The following ZNF521 variants were observed in gnomAD, a reference collection of about 807,000 sequenced individuals.
ZNF521 encodes the protein zinc finger protein 521, also known as LYST-interacting protein 3.
Under a neutral mutation model 105.5 loss-of-function variants are expected in ZNF521, and 14 were observed. The ratio of observed to expected loss-of-function variants is 0.13; its 90% confidence interval spans 0.09 to 0.21. The LOEUF (loss-of-function observed/expected upper bound fraction) is 0.21. Ranked by LOEUF, ZNF521 falls within the 10% of genes least tolerant of loss-of-function variation. The pLI is 1.00. For missense variants in ZNF521, 1,233 were observed against 1,629.7 expected, an observed-to-expected ratio of 0.76 and a Z score of 4.19; for synonymous variants, 635 against 606.0, an observed-to-expected ratio of 1.05 and a Z score of -0.70.
At position 25,224,755 on chromosome 18, in the gene ZNF521, T is replaced by C. The variant is rs1200299494; in HGVS notation, c.3163A>G (p.Thr1055Ala). The C allele has an allele frequency of 6.2e-7, 1 of 1,614,024 alleles. No homozygotes were observed. Among genetic ancestry groups the C allele is most frequent in the Admixed American group, 1.7e-5 (1 of 60,020 alleles). Residue 1055 changes from threonine (T) to alanine (A), a missense_variant, in exon 4 of 8, where the codon ACA becomes GCA. This residue lies in a region of ZNF521 where 614 missense variants were observed against 751.5 expected (regional missense o/e 0.82). Coordinates refer to ENST00000361524, the MANE Select transcript of ZNF521 (RefSeq NM_015461.3). Reference protein sequence around the residue: ...KTGNGSAVQTTGRGQHVQKLY... With the variant: ...KTGNGSAVQTAGRGQHVQKLY... ...TTTTGGACGTGCTGGCCCCGCCCTG[T>C]GGTCTGAACTGCAGACCCATTCCCT...
In ZNF521 at chr18:25,227,372, C is replaced by T. The variant is rs182212217; in HGVS notation, c.546G>A (p.Ala182=). The change falls in exon 4 of 8, where the codon GCG becomes GCA. Residue 182 remains alanine (A), a synonymous_variant. Coordinates refer to ENST00000361524, the MANE Select transcript of ZNF521 (RefSeq NM_015461.3). The surrounding 1 kb of genome is among the most constrained non-coding windows in gnomAD (Gnocchi z 5.7). ...KKYHCSECDA[A]FSRSDHLKIH... Reference sequence around the variant, plus strand: ...TCTTCAAGTGATCACTTCTGGAAAACGCAGCATCACATTCACTGCAGTGGT... The same window carrying T: ...TCTTCAAGTGATCACTTCTGGAAAATGCAGCATCACATTCACTGCAGTGGT... The T allele has an allele frequency of 2.0e-4, 318 of 1,614,118 alleles. 2 individuals carry two copies. The East Asian group carries it at 4.7e-3, about 24-fold the overall frequency.
At chr18:25,110,626 T>C (rs917319772) in intron 5 of ZNF521, among the ~76,000 whole-genome samples, 4 of 151,994 alleles carry the variant, frequency 2.6e-5, no homozygotes, top group Non-Finnish European at 5.9e-5. Context: ...ATTCACACCA[T>C]TCCTTTACTT....
intron 5 of ZNF521, among the ~76,000 whole-genome samples, chr18:25,158,944 C>G (rs936569811): frequency 6.7e-6 from 1 of 149,118 alleles, no homozygotes; most frequent in Admixed American, 6.7e-5. Context: ...CGACACAGTG[C>G]GACTCCATCT....
intron 3 of ZNF521, among the ~76,000 whole-genome samples, chr18:25,295,642 A>T: frequency 6.6e-6 from 1 of 152,184 alleles, no homozygotes. Context: ...AATATTTTTA[A>T]AATGATAAAT....
At chr18:25,129,780 G>A (rs1292475024) in intron 5 of ZNF521, among the ~76,000 whole-genome samples, 1 of 149,656 alleles carries the variant, frequency 6.7e-6, no homozygotes. Context: ...CAAAAATAAT[G>A]ATGAGATAGC....
rs1194909617 is a variant in ZNF521, at chr18:25,209,478, AT to A, written c.3574-14235del. ...CAAATCGTGGCCAAAAAGAGAGACA[AT>A]TTTTACTACGTTTTCCCCCCAGTAT... On this transcript the variant is annotated intron_variant, in intron 4 of 7. Coordinates refer to ENST00000361524, the MANE Select transcript of ZNF521 (RefSeq NM_015461.3). 3.3e-5 allele frequency among the ~76,000 whole-genome samples: 5 copies of A among 152,222 alleles called. No homozygotes were observed. In the East Asian group the frequency reaches 9.6e-4, roughly 29 times the overall value.
chr18:25,123,082 TG>T (rs1174493962), intron 5 of ZNF521, among the ~76,000 whole-genome samples: 1 of 151,848 alleles, frequency 6.6e-6, no homozygotes, highest in Non-Finnish European at 1.5e-5. Context: ...TTCCTCTATT[TG>T]GGGTTTGGAA....
In ZNF521 at chr18:25,260,341, G is replaced by C. The variant is rs115906720; in HGVS notation, c.221-32644C>G. ...TAAGTAAGCTAAGGTTGGTAGTTTAGTGCATTTCTGGAAATGTGGTCAGCA... is the reference window on the plus strand; with the variant it reads ...TAAGTAAGCTAAGGTTGGTAGTTTACTGCATTTCTGGAAATGTGGTCAGCA... On this transcript the variant is annotated intron_variant, in intron 3 of 7. Coordinates refer to ENST00000361524, the MANE Select transcript of ZNF521 (RefSeq NM_015461.3). 9.4e-3 allele frequency among the ~76,000 whole-genome samples: 1,431 copies of C among 152,240 alleles called. 24 individuals carry two copies. The highest frequency in any genetic ancestry group is 0.033 in the African/African-American group (1,371 of 41,534).
chr18:25,208,636 T>C (rs12606079), intron 4 of ZNF521, among the ~76,000 whole-genome samples: 4,936 of 151,698 alleles, frequency 0.033, 114 homozygotes, highest in East Asian at 0.066. Flanking sequence ...TTATCAAACA[T>C]GTGGTCACTG....
At chr18:25,293,168 T>A (rs1294256615) in intron 3 of ZNF521, among the ~76,000 whole-genome samples, 1 of 152,196 alleles carries the variant, frequency 6.6e-6, no homozygotes, top group African/African-American at 2.4e-5. Context: ...TGCTTAGTGA[T>A]CATTTTAATC....
intron 7 of ZNF521, among the ~76,000 whole-genome samples, chr18:25,064,477 G>A (rs1401342758): frequency 1.3e-5 from 2 of 152,214 alleles, no homozygotes; most frequent in African/African-American, 4.8e-5. Context: ...AATTCTTCTG[G>A]AGTGTTCTGA....
At chr18:25,292,449 A>G (rs191425072) in intron 3 of ZNF521, among the ~76,000 whole-genome samples, 82 of 152,266 alleles carry the variant, frequency 5.4e-4, no homozygotes, top group Non-Finnish European at 8.8e-5. Context: ...AATTCTTCTC[A>G]ACACTGGTAT....
intron 5 of ZNF521, among the ~76,000 whole-genome samples, chr18:25,153,796 C>A (rs916107321): frequency 7.9e-5 from 12 of 152,184 alleles, no homozygotes. Context: ...ACCCATTCCT[C>A]TTCTCCTCCT....
At chr18:25,172,154 T>C (rs542592337) in intron 5 of ZNF521, among the ~76,000 whole-genome samples, 1 of 152,278 alleles carries the variant, frequency 6.6e-6, no homozygotes, top group Admixed American at 6.5e-5. Context: ...GCTAGAACAT[T>C]TGAAGATTGA....
chr18:25,141,269 G>A (rs2034842235), intron 5 of ZNF521, among the ~76,000 whole-genome samples: 1 of 152,094 alleles, frequency 6.6e-6, no homozygotes, highest in African/African-American at 2.4e-5. Flanking sequence ...TTACGTGTTT[G>A]TTTCATGAAA....
intron 5 of ZNF521, among the ~76,000 whole-genome samples, chr18:25,189,625 A>G (rs977334413): frequency 6.6e-6 from 1 of 152,116 alleles, no homozygotes; most frequent in Non-Finnish European, 1.5e-5. Context: ...ATCACTCCAC[A>G]CTGCACACAA....
At chr18:25,119,634 A>C (rs912985079) in intron 5 of ZNF521, among the ~76,000 whole-genome samples, 1 of 152,134 alleles carries the variant, frequency 6.6e-6, no homozygotes. Context: ...AAGGAAAGAT[A>C]CTGAAAATTT....
chr18:25,287,846 C>T (rs1388152130), intron 3 of ZNF521, among the ~76,000 whole-genome samples: 2 of 152,170 alleles, frequency 1.3e-5, no homozygotes, highest in African/African-American at 4.8e-5. Context: ...ACTTCAGATT[C>T]GCAGATAAGT....
chr18:25,143,010 A>T (rs906501175), intron 5 of ZNF521, among the ~76,000 whole-genome samples: 82 of 152,262 alleles, frequency 5.4e-4, no homozygotes, highest in Non-Finnish European at 1.3e-4. Flanking sequence ...TGTTGTTATC[A>T]ACAGATATGC....
Sources: allele counts gnomAD v4.1 joint callset (sites outside exome capture counted in the v4.1 genomes callset), GRCh38; gene constraint gnomAD v4.1.1; regional missense constraint gnomAD v4.1.1; non-coding constraint Gnocchi (gnomAD v3.1); transcripts MANE v1.5; gene names NCBI Gene and HGNC (gene_info 2026-07-23, HGNC 2026-07-21).